Variants in SIK2 observed in about 807,000 individuals in gnomAD.
SIK2 encodes the protein salt inducible kinase 2, also known as serine/threonine-protein kinase SIK2.
SIK2 carries 29 observed loss-of-function variants against 103.2 expected under a neutral mutation model. The ratio of observed to expected loss-of-function variants is 0.28; its 90% confidence interval spans 0.21 to 0.38. The LOEUF (loss-of-function observed/expected upper bound fraction) is 0.38. Among genes scored for constraint, SIK2 ranks in the 10% least tolerant of loss-of-function variants. The pLI, the probability that SIK2 is intolerant of heterozygous loss-of-function variation, is 1.00. For synonymous variants in SIK2, 412 were observed against 446.1 expected (o/e 0.92, Z 0.96); for missense variants, 879 against 1,171.0 (o/e 0.75, Z 3.64).
intron 3 of SIK2, among the ~76,000 whole-genome samples, chr11:111,664,063 A>T (rs942350279): frequency 6.6e-6 from 1 of 152,208 alleles, no homozygotes; most frequent in Non-Finnish European, 1.5e-5. Context: ...AATAGCACAT[A>T]ATGCCTCTGC....
rs1339614420 is a variant in SIK2 at position 111,705,059 on chromosome 11, C to T, written c.1021C>T (p.Arg341Trp). The stretch of plus-strand genomic sequence containing the variant: ...GTTGGTGGAGCGCCTGAAATCACAT[C>T]GGAGCAGTTTCCCAGTGGAGCAGAG... ...FLLVERLKSH[R>W]SSFPVEQRLD... The change falls in exon 8 of 15, where the codon CGG becomes TGG. Residue 341 changes from arginine (R) to tryptophan (W), a missense_variant. Physicochemically the swap from Arg to Trp is moderately radical, Grantham distance 101. Transcript: ENST00000304987. This position sits in a 1 kb window ranked among gnomAD's most constrained non-coding sequence, Gnocchi z 4.3. 1.9e-6 allele frequency: 3 copies of T among 1,611,152 alleles called. No homozygotes were observed. The highest frequency in any genetic ancestry group is 1.3e-5 in the African/African-American group (1 of 74,660).
chr11:111,632,758 C>T (rs954939036), intron 3 of SIK2, among the ~76,000 whole-genome samples: 5 of 152,040 alleles, frequency 3.3e-5, no homozygotes, highest in South Asian at 2.1e-4. Flanking sequence ...TCTTCTGCCC[C>T]GCCCCTCATC....
intron 4 of SIK2, among the ~76,000 whole-genome samples, chr11:111,691,889 A>G (rs1942949846): frequency 6.6e-6 from 1 of 152,220 alleles, no homozygotes; most frequent in Non-Finnish European, 1.5e-5. Flanking sequence ...TTAATCAAAT[A>G]AGAACCAGAC....
intron 3 of SIK2, among the ~76,000 whole-genome samples, chr11:111,626,590 G>T (rs968441536): frequency 1.4e-4 from 21 of 151,270 alleles, no homozygotes; most frequent in African/African-American, 4.6e-4. Context: ...TCTGTATGTT[G>T]TGTCATTATC....
At chr11:111,668,411 C>T (rs1055835967) in intron 3 of SIK2, among the ~76,000 whole-genome samples, 1 of 152,190 alleles carries the variant, frequency 6.6e-6, no homozygotes, top group Non-Finnish European at 1.5e-5. Flanking sequence ...ACTGAACAAA[C>T]TTGCACATGT....
At chr11:111,621,714 A>G (rs1326705396) in intron 3 of SIK2, among the ~76,000 whole-genome samples, 1 of 152,136 alleles carries the variant, frequency 6.6e-6, no homozygotes, top group Non-Finnish European at 1.5e-5. Context: ...CAGGAGTTCA[A>G]GACCAGCCTG....
chr11:111,685,833 A>C (rs1286255558), intron 3 of SIK2, among the ~76,000 whole-genome samples: 1 of 152,178 alleles, frequency 6.6e-6, no homozygotes, highest in Admixed American at 6.5e-5. Flanking sequence ...TGGGCAACAA[A>C]AGAGTGAGGC....
At chr11:111,658,662 A>T (rs775755898) in intron 3 of SIK2, among the ~76,000 whole-genome samples, 41 of 152,152 alleles carry the variant, frequency 2.7e-4, no homozygotes, top group Non-Finnish European at 4.1e-4. Flanking sequence ...GAATCACCTG[A>T]GCCCGGTGAT....
chr11:111,702,850 A>G (rs1376260771), intron 6 of SIK2, among the ~76,000 whole-genome samples: 1 of 152,316 alleles, frequency 6.6e-6, no homozygotes. Context: ...AGCATTAGAT[A>G]TGACTGAGGA....
At chr11:111,638,182 G>A (rs960272667) in intron 3 of SIK2, among the ~76,000 whole-genome samples, 7 of 152,210 alleles carry the variant, frequency 4.6e-5, no homozygotes, top group African/African-American at 1.7e-4. Context: ...TGGCCTTATG[G>A]ATGAGGAATG....
At chr11:111,715,670 G>A (rs1023715196) in intron 9 of SIK2, among the ~76,000 whole-genome samples, 5 of 152,198 alleles carry the variant, frequency 3.3e-5, no homozygotes, top group Admixed American at 6.5e-5. Context: ...ATCCACAGAT[G>A]ACATGGGGGC....
intron 3 of SIK2, among the ~76,000 whole-genome samples, chr11:111,665,614 G>A (rs1187119875): frequency 6.6e-6 from 1 of 151,502 alleles, no homozygotes; most frequent in Non-Finnish European, 1.5e-5. Flanking sequence ...GCCTGAGGTG[G>A]GGAGTTTGAG....
At chr11:111,614,785 T>G (rs943780900) in intron 1 of SIK2, among the ~76,000 whole-genome samples, 10 of 152,222 alleles carry the variant, frequency 6.6e-5, no homozygotes, top group African/African-American at 2.4e-4. Flanking sequence ...CTGAGTCCTA[T>G]TTTATTGGAT....
chr11:111,646,335 G>C (rs1229906070), intron 3 of SIK2, among the ~76,000 whole-genome samples: 1 of 152,128 alleles, frequency 6.6e-6, no homozygotes, highest in African/African-American at 2.4e-5. Flanking sequence ...TGTAATCCCA[G>C]CTACTTGGGA....
intron 3 of SIK2, among the ~76,000 whole-genome samples, chr11:111,647,572 A>C (rs1171144999): frequency 4.0e-5 from 6 of 151,182 alleles, no homozygotes; most frequent in Non-Finnish European, 7.4e-5. Flanking sequence ...GAAAAAAAAA[A>C]AAAAAAAAAA....
In SIK2 at chr11:111,701,596, TTAATGGTG is replaced by T; in HGVS notation, c.727+23_727+30del. ...AGAAGGTAATCAACTTTTCATCTTA[TTAATGGTG>T]TTTTACAGTGTTAGTGCTCCAAGTG... On this transcript the variant is annotated intron_variant, in intron 6 of 14. Coordinates refer to ENST00000304987, the MANE Select transcript of SIK2 (RefSeq NM_015191.3). This position sits in a 1 kb window ranked among gnomAD's most constrained non-coding sequence, Gnocchi z 4.2. The T allele has an allele frequency of 6.2e-7, 1 of 1,612,648 alleles. No homozygotes were observed.
chr11:111,695,401 T>C (rs1447070999), intron 4 of SIK2, among the ~76,000 whole-genome samples: 2 of 152,242 alleles, frequency 1.3e-5, no homozygotes, highest in Non-Finnish European at 2.9e-5. Flanking sequence ...CAATGTTTTG[T>C]GTGCTTTTTT....
Position 111,701,154 on chromosome 11 carries a change from A to G in SIK2, c.603+144A>G. 1 of 1,147,214 alleles carries G rather than the reference A, an allele frequency of 8.7e-7. No individual in the cohort carries two copies. Among genetic ancestry groups the G allele is most frequent in the Non-Finnish European group, 1.2e-6 (1 of 835,600 alleles). 71.1% of individuals were successfully genotyped at this position (1,147,214 alleles called of 1,614,324 possible). On this transcript the variant is annotated intron_variant, in intron 5 of 14. Coordinates refer to ENST00000304987, the MANE Select transcript of SIK2 (RefSeq NM_015191.3). The surrounding 1 kb of genome is among the most constrained non-coding windows in gnomAD (Gnocchi z 4.2). ...CCACTGGACTATAATTACTCAGAGC[A>G]TCTTGAAATGGATCCCTAGGAAAGA...
At chr11:111,603,396 G>C (rs1001555603) in intron 1 of SIK2, among the ~76,000 whole-genome samples, 1 of 152,068 alleles carries the variant, frequency 6.6e-6, no homozygotes, top group Non-Finnish European at 1.5e-5. Flanking sequence ...TTGCACGGTG[G>C]GTGGATTGGT....
Sources: gnomAD v4.1 joint callset for allele counts (sites outside exome capture counted in the v4.1 genomes callset) on GRCh38, gnomAD v4.1.1 for gene constraint, Gnocchi (gnomAD v3.1) non-coding constraint, MANE v1.5 for transcripts, NCBI Gene and HGNC (gene_info 2026-07-23, HGNC 2026-07-21) for gene names.